Variants in KTN1 observed in about 807,000 individuals in gnomAD.
KTN1 encodes kinectin 1.
A neutral mutation model predicts 222.5 loss-of-function variants in KTN1; 130 were observed. The ratio of observed to expected loss-of-function variants is 0.58; its 90% CI spans 0.51 to 0.68. The LOEUF (loss-of-function observed/expected upper bound fraction) is 0.68, where lower values mean the gene tolerates loss of function less well. Among genes scored for constraint, KTN1 ranks in the 30% least tolerant of loss-of-function variants. The pLI is 0.00. For missense variants in KTN1, 1,508 were observed against 1,500.4 expected (o/e 1.01, Z -0.08); for synonymous variants, 512 against 496.3 (o/e 1.03, Z -0.42).
chr14:55,637,929 A>G, intron 12 of KTN1, 82 bp downstream of exon 12: 2 of 1,002,158 alleles, frequency 2.0e-6, no homozygotes, highest in Non-Finnish European at 3.1e-6. Context: ...AGTGCCAATT[A>G]CTGGATTAAT....
Position 55,641,053 on chromosome 14 carries a change from G to T in KTN1, c.2022-74G>T. On this transcript the variant is annotated intron_variant, in intron 16 of 43. Transcript: ENST00000395314. The stretch of plus-strand genomic sequence containing the variant: ...GCAGAAAATATTGCTGCTTATAACT[G>T]ATAGTTGTGCCCATAATTCTTGTAG... 5.4e-6 allele frequency: 8 copies of T among 1,469,220 alleles called. 1 individual carries two copies. Among genetic ancestry groups the T allele is most frequent in the Non-Finnish European group, 7.6e-6 (8 of 1,055,468 alleles). 91.0% of individuals were successfully genotyped at this position (1,469,220 alleles called of 1,614,324 possible). A position where few individuals can be genotyped will look rare whatever the true frequency, so the allele number is the denominator to read the frequency against.
intron 39 of KTN1, 78 bp downstream of exon 39, chr14:55,673,090 G>A: frequency 6.7e-7 from 1 of 1,497,522 alleles, no homozygotes; most frequent in Middle Eastern, 1.7e-4. Flanking sequence ...AGTATAAGTT[G>A]TTTGTGGCAG....
At chr14:55,613,855 G>A (rs1230046708) in intron 2 of KTN1, among the ~76,000 whole-genome samples, 2 of 152,122 alleles carry the variant, frequency 1.3e-5, no homozygotes, top group South Asian at 2.1e-4. Flanking sequence ...AAAAGGACAC[G>A]TAAGCCAGTA....
At chr14:55,614,794 G>A (rs1482696308) in intron 2 of KTN1, among the ~76,000 whole-genome samples, 1 of 152,172 alleles carries the variant, frequency 6.6e-6, no homozygotes. Context: ...GTGGCCCTTT[G>A]CAGAAAAAGT....
chr14:55,598,391 C>T (rs893185358), intron 1 of KTN1, among the ~76,000 whole-genome samples: 1 of 149,642 alleles, frequency 6.7e-6, no homozygotes, highest in Non-Finnish European at 1.5e-5. Context: ...GCCGAGAACC[C>T]GCCACTGCAC....
chr14:55,602,702 C>T (rs2140481262), intron 1 of KTN1, among the ~76,000 whole-genome samples: 1 of 151,464 alleles, frequency 6.6e-6, no homozygotes, highest in Middle Eastern at 3.4e-3. Flanking sequence ...CTGCCTTATT[C>T]TTCCAAGCAG....
In KTN1 at chr14:55,627,963, A is replaced by G; in HGVS notation, c.1015A>G (p.Lys339Glu). Residue 339 changes from lysine to glutamate, a missense_variant, in exon 6 of 44, where the codon AAG becomes GAG. By Grantham distance (56) the Lys-to-Glu change is moderately conservative. Coordinates refer to ENST00000395314, the MANE Select transcript of KTN1 (RefSeq NM_001079521.2). ...TLIHQLQEKD[K>E]LLAAVKEDAA... Reference sequence around the variant, plus strand: ...TATACATCAGCTTCAAGAAAAGGACAAGTTACTCGCTGCTGTGAAGGAAGA... The same window carrying G: ...TATACATCAGCTTCAAGAAAAGGACGAGTTACTCGCTGCTGTGAAGGAAGA... 6.2e-7 allele frequency: 1 copy of G among 1,613,972 alleles called. No individual in the cohort carries two copies. Among genetic ancestry groups the G allele is most frequent in the Non-Finnish European group, 8.5e-7 (1 of 1,179,846 alleles).
intron 33 of KTN1, among the ~76,000 whole-genome samples, chr14:55,665,097 A>G (rs2141257675): frequency 6.6e-6 from 1 of 152,114 alleles, no homozygotes; most frequent in Non-Finnish European, 1.5e-5. Context: ...TTTTCAGTAA[A>G]GGTTAAATTC....
At chr14:55,626,183 C>G (rs1398075214) in intron 5 of KTN1, among the ~76,000 whole-genome samples, 1 of 151,552 alleles carries the variant, frequency 6.6e-6, no homozygotes, top group Admixed American at 6.6e-5. Context: ...CACTGCCTAC[C>G]TTCGTTGTCT....
chr14:55,591,511 C>T (rs1045671762), intron 1 of KTN1, among the ~76,000 whole-genome samples: 3 of 151,446 alleles, frequency 2.0e-5, no homozygotes, highest in Admixed American at 6.6e-5. Context: ...ATGATAATGG[C>T]AAAAACCAGT....
At chr14:55,616,119 T>G (rs1291737608) in intron 2 of KTN1, among the ~76,000 whole-genome samples, 3 of 152,006 alleles carry the variant, frequency 2.0e-5, no homozygotes, top group Non-Finnish European at 2.9e-5. Context: ...TTTGTAGAGA[T>G]GAGGTTTCAC....
Position 55,684,096 on chromosome 14 carries a change from C to A in KTN1, c.4070-3C>A. On this transcript the variant is annotated splice_region_variant and splice_polypyrimidine_tract_variant and intron_variant, in intron 43 of 43. Transcript: ENST00000395314. Reference sequence around the variant, plus strand: ...GAAATTCATTCTTTCTGATCTTTTACAGAGTGAAGTAATTGGGAAACTGTT... The same window carrying A: ...GAAATTCATTCTTTCTGATCTTTTAAAGAGTGAAGTAATTGGGAAACTGTT... 6.2e-7 allele frequency: 1 copy of A among 1,601,976 alleles called. No homozygotes were observed. Among genetic ancestry groups the A allele is most frequent in the Non-Finnish European group, 8.5e-7 (1 of 1,172,876 alleles).
intron 1 of KTN1, among the ~76,000 whole-genome samples, chr14:55,604,452 A>C (rs946485743): frequency 6.6e-6 from 1 of 152,320 alleles, no homozygotes; most frequent in Non-Finnish European, 1.5e-5. Flanking sequence ...CCTGGGCAAC[A>C]TGGCAAAACC....
rs1488634322 is a variant in KTN1 at position 55,662,841 on chromosome 14, G to A, written c.3091-1114G>A. 3 of 455,688 alleles carry A rather than the reference G, an allele frequency of 6.6e-6. No individual in the cohort carries two copies. In the East Asian group the frequency reaches 2.1e-4, roughly 32 times the overall value. The allele number at this position is 455,688 out of a possible 1,614,324, so 28.2% of individuals were successfully genotyped here. A position where few individuals can be genotyped will look rare whatever the true frequency, so the allele number is the denominator to read the frequency against. ...AGCATTGCTTAGCCACAAAACTTGAGGTGAACTTGCCGATATACTGCTAAC... is the reference window on the plus strand; with the variant it reads ...AGCATTGCTTAGCCACAAAACTTGAAGTGAACTTGCCGATATACTGCTAAC... On this transcript the variant is annotated intron_variant, in intron 32 of 43. Coordinates refer to ENST00000395314, the MANE Select transcript of KTN1 (RefSeq NM_001079521.2).
At chr14:55,638,858 A>G (rs891514089) in intron 12 of KTN1, among the ~76,000 whole-genome samples, 1 of 151,878 alleles carries the variant, frequency 6.6e-6, no homozygotes, top group African/African-American at 2.4e-5. Flanking sequence ...AGTTGTTACT[A>G]AGGAGAAGAA....
intron 41 of KTN1, among the ~76,000 whole-genome samples, chr14:55,676,839 G>A (rs868437757): frequency 1.8e-4 from 28 of 152,224 alleles, no homozygotes; most frequent in African/African-American, 6.7e-4. Flanking sequence ...AGTGTTGTCA[G>A]GTTATTTTAG....
intron 13 of KTN1, 27 bp from the exon 14 acceptor site, chr14:55,639,886 A>G (rs767780047): frequency 7.5e-7 from 1 of 1,341,116 alleles, no homozygotes; most frequent in Non-Finnish European, 1.1e-6. Flanking sequence ...ATGTTTATTG[A>G]ATGTACAAAT....
Position 55,678,459 on chromosome 14 carries a change from C to T in KTN1, c.3948+15C>T, listed in dbSNP as rs1323964942. ...CCCCAGAAACGGTATGTATTTTCTT[C>T]ATCCCCAGATCTCTGAGCTAGTTAC... is the stretch of plus-strand genomic sequence containing the variant. On this transcript the variant is annotated intron_variant, in intron 42 of 43. Coordinates refer to ENST00000395314, the MANE Select transcript of KTN1 (RefSeq NM_001079521.2). 1.3e-6 allele frequency: 2 copies of T among 1,501,374 alleles called. No individual in the cohort carries two copies. Among genetic ancestry groups the T allele is most frequent in the Non-Finnish European group, 9.3e-7 (1 of 1,077,418 alleles). 93.0% of individuals were successfully genotyped at this position (1,501,374 alleles called of 1,614,324 possible). A position where few individuals can be genotyped will look rare whatever the true frequency, so the allele number is the denominator to read the frequency against.
At position 55,630,110 on chromosome 14, in the gene KTN1, T is replaced by A; in HGVS notation, c.1221+13T>A. On this transcript the variant is annotated intron_variant, in intron 7 of 43. Transcript: ENST00000395314. ...GATGCAGATGAAGGTATATTTTCAT[T>A]CTTTGGAAACAAGATGAAATGGTTG... 6.2e-7 allele frequency: 1 copy of A among 1,608,758 alleles called. No homozygotes were observed. The highest frequency in any genetic ancestry group is 1.3e-5 in the African/African-American group (1 of 74,916).
Sources: gnomAD v4.1 joint callset for allele counts (sites outside exome capture counted in the v4.1 genomes callset) on GRCh38, gnomAD v4.1.1 for gene constraint, MANE v1.5 for transcripts, NCBI Gene and HGNC (gene_info 2026-07-23, HGNC 2026-07-21) for gene names.